The following CSNK2A2IP variants were observed in gnomAD, a reference collection of about 807,000 sequenced individuals.
CSNK2A2IP encodes the protein casein kinase II subunit alpha'-interacting protein.
the CSNK2A2IP span, among the ~76,000 whole-genome samples, chr3:88,421,861 G>A: frequency 6.6e-6 from 1 of 152,168 alleles, no homozygotes. Flanking sequence ...CCATAAGGAT[G>A]ACTTTTACCA....
chr3:88,437,839 C>T, the CSNK2A2IP span, among the ~76,000 whole-genome samples: 1 of 152,108 alleles, frequency 6.6e-6, no homozygotes. Context: ...CATCATTATT[C>T]ATTTATTATT....
chr3:88,386,770 T>C, the CSNK2A2IP span, among the ~76,000 whole-genome samples: 1 of 152,192 alleles, frequency 6.6e-6, no homozygotes, highest in South Asian at 2.1e-4. Context: ...AGTATAGTTA[T>C]TGGTAATGAC....
At chr3:88,359,773 TG>T in the CSNK2A2IP span, among the ~76,000 whole-genome samples, 13 of 152,346 alleles carry the variant, frequency 8.5e-5, no homozygotes, top group African/African-American at 2.9e-4. Context: ...AGATGTTTTT[TG>T]TGGCCTATCT....
the CSNK2A2IP span, among the ~76,000 whole-genome samples, chr3:88,350,891 A>G: frequency 6.6e-6 from 1 of 151,936 alleles, no homozygotes; most frequent in Admixed American, 6.6e-5. Flanking sequence ...CACTTTCCCA[A>G]CTCTCACCCC....
chr3:88,444,890 GCT>G, the CSNK2A2IP span, among the ~76,000 whole-genome samples: 1 of 152,160 alleles, frequency 6.6e-6, no homozygotes, highest in African/African-American at 2.4e-5. Flanking sequence ...TGTTTGCACA[GCT>G]GCTTTCTAGA....
the CSNK2A2IP span, among the ~76,000 whole-genome samples, chr3:88,463,560 A>G: frequency 5.4e-3 from 823 of 152,276 alleles, 10 homozygotes; most frequent in African/African-American, 0.019. Context: ...AATGCTCATC[A>G]TCACTGGCCA....
the CSNK2A2IP span, among the ~76,000 whole-genome samples, chr3:88,440,565 A>C: frequency 2.0e-5 from 3 of 152,190 alleles, no homozygotes; most frequent in African/African-American, 4.8e-5. Context: ...ATGTTTTAAA[A>C]CTTTTTGGAA....
At chr3:88,427,240 G>C in the CSNK2A2IP span, among the ~76,000 whole-genome samples, 1 of 152,180 alleles carries the variant, frequency 6.6e-6, no homozygotes, top group Non-Finnish European at 1.5e-5. Context: ...CCTTGCCCTA[G>C]AGATCTGTGG....
At chr3:88,421,720 T>C in the CSNK2A2IP span, among the ~76,000 whole-genome samples, 2 of 152,170 alleles carry the variant, frequency 1.3e-5, no homozygotes, top group East Asian at 1.9e-4. Context: ...CCTGGCCTTG[T>C]AGTATTTTAA....
chr3:88,457,377 T>A, the CSNK2A2IP span, among the ~76,000 whole-genome samples: 2 of 151,932 alleles, frequency 1.3e-5, no homozygotes, highest in African/African-American at 4.8e-5. Context: ...TCTATATTTA[T>A]AAGAAATATT....
At chr3:88,455,210 T>A in the CSNK2A2IP span, among the ~76,000 whole-genome samples, 2 of 151,982 alleles carry the variant, frequency 1.3e-5, no homozygotes, top group African/African-American at 4.8e-5. Flanking sequence ...AGATGCCAAT[T>A]TAATTTATTT....
the CSNK2A2IP span, among the ~76,000 whole-genome samples, chr3:88,346,953 A>G: frequency 6.6e-6 from 1 of 152,060 alleles, no homozygotes. Flanking sequence ...TGTCATTGAG[A>G]ACATTCATGA....
chr3:88,380,666 C>T, the CSNK2A2IP span, among the ~76,000 whole-genome samples: 1 of 151,352 alleles, frequency 6.6e-6, no homozygotes, highest in Non-Finnish European at 1.5e-5. Flanking sequence ...CTGGAATTGC[C>T]CCATGTAAAA....
At chr3:88,341,711 C>T in the CSNK2A2IP span, among the ~76,000 whole-genome samples, 1 of 151,780 alleles carries the variant, frequency 6.6e-6, no homozygotes, top group East Asian at 1.9e-4. Flanking sequence ...TTTTCAGACA[C>T]AAAATTATGC....
the CSNK2A2IP span, among the ~76,000 whole-genome samples, chr3:88,356,651 AC>A: frequency 1.3e-5 from 2 of 152,018 alleles, no homozygotes; most frequent in African/African-American, 2.4e-5. Flanking sequence ...TTCTATTTTT[AC>A]TTTTTTGAGG....
chr3:88,436,045 A>C, the CSNK2A2IP span, among the ~76,000 whole-genome samples: 1 of 152,134 alleles, frequency 6.6e-6, no homozygotes, highest in East Asian at 1.9e-4. Flanking sequence ...AAGAGAATGC[A>C]AGAGAAAGGA....
At chr3:88,457,924 A>C in the CSNK2A2IP span, among the ~76,000 whole-genome samples, 2 of 151,824 alleles carry the variant, frequency 1.3e-5, no homozygotes, top group South Asian at 2.1e-4. Context: ...ACTCAAATTC[A>C]ACTTATTTAC....
At chr3:88,406,907 GC>G in the CSNK2A2IP span, among the ~76,000 whole-genome samples, 1 of 152,140 alleles carries the variant, frequency 6.6e-6, no homozygotes, top group South Asian at 2.1e-4. Context: ...TCACGGTGTA[GC>G]CCCACTCTCA....
the CSNK2A2IP span, among the ~76,000 whole-genome samples, chr3:88,381,078 G>T: frequency 2.0e-5 from 3 of 152,134 alleles, no homozygotes; most frequent in Admixed American, 6.5e-5. Context: ...TGGAGAAAAA[G>T]CCCCTGAAGC....
Sources: allele counts gnomAD v4.1 joint callset (sites outside exome capture counted in the v4.1 genomes callset), GRCh38; gene constraint gnomAD v4.1.1; transcripts MANE v1.5; gene names NCBI Gene and HGNC (gene_info 2026-07-23, HGNC 2026-07-21).